WDR49: variants seen among roughly 807,000 people sequenced by gnomAD.
The protein encoded by WDR49 is cilia- and flagella-associated protein 337.
WDR49 carries 107 observed loss-of-function variants against 119.5 expected under a neutral mutation model. The observed-to-expected ratio is 0.90, with a 90% CI of 0.77 to 1.05. The LOEUF is 1.05. Ranked by LOEUF, WDR49 falls within the 50% of genes least tolerant of loss-of-function variation. The pLI is 0.00. For synonymous variants in WDR49, 425 were observed against 418.8 expected, an observed-to-expected ratio of 1.01 and a Z score of -0.18; for missense variants, 1,240 against 1,220.5, an observed-to-expected ratio of 1.02 and a Z score of -0.24.
chr3:167,593,568 G>A (rs979933699), intron 7 of WDR49, among the ~76,000 whole-genome samples: 2 of 152,016 alleles, frequency 1.3e-5, no homozygotes, highest in African/African-American at 2.4e-5. Context: ...TTCTCCATCT[G>A]AATGGTCACA....
At chr3:167,481,035 T>C (rs1750700131) in intron 18 of WDR49, among the ~76,000 whole-genome samples, 1 of 149,380 alleles carries the variant, frequency 6.7e-6, no homozygotes, top group Non-Finnish European at 1.5e-5. Context: ...CATCCCAGCC[T>C]CTTACTCAAG....
chr3:167,631,272 A>T (rs1717359248), intron 2 of WDR49, among the ~76,000 whole-genome samples: 1 of 152,114 alleles, frequency 6.6e-6, no homozygotes, highest in Non-Finnish European at 1.5e-5. Context: ...GTAATGAATA[A>T]AAAAAGAAAA....
intron 14 of WDR49, 109 bp from the exon 15 acceptor site, chr3:167,528,126 A>C (rs1752702944): frequency 2.4e-6 from 2 of 829,650 alleles, no homozygotes; most frequent in Non-Finnish European, 3.6e-6. Flanking sequence ...ACAATAACCT[A>C]TGATCCAAAT....
At position 167,528,528 on chromosome 3, in the gene WDR49, T is replaced by TAAATAAAATAAAATA. The variant is rs10675052; in HGVS notation, c.2406+509_2407-512dup. On this transcript the variant is annotated intron_variant, in intron 14 of 18. Coordinates refer to ENST00000682715, the MANE Select transcript of WDR49 (RefSeq NM_001366157.1). The stretch of plus-strand genomic sequence containing the variant: ...GACCCTGTCTCTACAAAAAGTAAAA[T>TAAATAAAATAAAATA]AAATAAAATAAAATAAAATAAAATA... Among the ~76,000 whole-genome samples, 1,441 of 148,016 alleles carry TAAATAAAATAAAATA rather than the reference T, an allele frequency of 9.7e-3. 21 individuals are homozygous for TAAATAAAATAAAATA. Among genetic ancestry groups the TAAATAAAATAAAATA allele is most frequent in the African/African-American group, 0.034 (1,352 of 39,438 alleles).
chr3:167,512,109 G>C (rs1751999546), intron 16 of WDR49, among the ~76,000 whole-genome samples: 1 of 152,156 alleles, frequency 6.6e-6, no homozygotes, highest in South Asian at 2.1e-4. Context: ...GGGACAGATA[G>C]AGTGCTTCGT....
chr3:167,653,395 T>G lies in WDR49; in HGVS notation c.31A>C (p.Asn11His). Residue 11 changes from asparagine (N) to histidine (H), a missense_variant, in exon 2 of 19, where the codon AAC becomes CAC. Asn to His is a moderately conservative substitution (Grantham distance 68). Transcript: ENST00000682715. MSCQKAVLEL[N>H]IGSQLGPKSP... ...TTTGGCCCAAGCTGTGACCCTATGT[T>G]TAACTCAAGTACAGCTTTCTGGCAA... The G allele has an allele frequency of 6.5e-7, 1 of 1,532,768 alleles. No homozygotes were observed. Among genetic ancestry groups the G allele is most frequent in the South Asian group, 1.2e-5 (1 of 83,512 alleles). 94.9% of individuals were successfully genotyped at this position (1,532,768 alleles called of 1,614,324 possible).
chr3:167,606,507 A>AT (rs1488925758), intron 5 of WDR49, among the ~76,000 whole-genome samples: 2 of 152,184 alleles, frequency 1.3e-5, no homozygotes, highest in Non-Finnish European at 2.9e-5. Context: ...TTCTGTTTTA[A>AT]GCTTCTACTT....
intron 16 of WDR49, among the ~76,000 whole-genome samples, chr3:167,509,936 T>G (rs1351139717): frequency 7.5e-6 from 1 of 132,690 alleles, no homozygotes; most frequent in Non-Finnish European, 1.7e-5. Flanking sequence ...GTCTACTAAG[T>G]CACAGTTATT....
chr3:167,507,324 T>G (rs1402951777), intron 16 of WDR49, among the ~76,000 whole-genome samples: 2 of 152,250 alleles, frequency 1.3e-5, no homozygotes, highest in African/African-American at 4.8e-5. Flanking sequence ...CCATAAGCCA[T>G]CTCATGTGAG....
intron 8 of WDR49, among the ~76,000 whole-genome samples, chr3:167,573,151 A>C (rs1560292387): frequency 6.6e-6 from 1 of 152,152 alleles, no homozygotes; most frequent in Non-Finnish European, 1.5e-5. Flanking sequence ...GGACACTTCC[A>C]AGATTTCAGT....
At chr3:167,568,667 C>T (rs568156466) in intron 8 of WDR49, among the ~76,000 whole-genome samples, 2 of 152,246 alleles carry the variant, frequency 1.3e-5, no homozygotes, top group Non-Finnish European at 2.9e-5. Context: ...GTTTTCTCTG[C>T]TTCTTGGTAG....
At chr3:167,550,335 G>A (rs62278305) in intron 10 of WDR49, among the ~76,000 whole-genome samples, 5 of 151,948 alleles carry the variant, frequency 3.3e-5, no homozygotes, top group African/African-American at 1.2e-4. Context: ...AGCATGGAAT[G>A]TTCTTCCATT....
At chr3:167,517,136 T>G (rs1259950916) in intron 16 of WDR49, among the ~76,000 whole-genome samples, 1 of 151,568 alleles carries the variant, frequency 6.6e-6, no homozygotes, top group East Asian at 1.9e-4. Flanking sequence ...AAACTAGTAC[T>G]CTTGACATTC....
At chr3:167,489,159 G>C (rs2108196709) in intron 18 of WDR49, among the ~76,000 whole-genome samples, 1 of 152,052 alleles carries the variant, frequency 6.6e-6, no homozygotes, top group Middle Eastern at 3.4e-3. Flanking sequence ...AGCAGCAGTA[G>C]ACTTTGTTTG....
intron 10 of WDR49, among the ~76,000 whole-genome samples, chr3:167,548,680 ATTTAT>A (rs776547190): frequency 9.9e-5 from 15 of 151,838 alleles, no homozygotes; most frequent in South Asian, 2.1e-4. Context: ...TTGCAATGAT[ATTTAT>A]TTTATTTTAT....
At chr3:167,589,752 C>A (rs897171570) in intron 7 of WDR49, among the ~76,000 whole-genome samples, 6 of 151,986 alleles carry the variant, frequency 3.9e-5, no homozygotes, top group Non-Finnish European at 5.9e-5. Flanking sequence ...TATAGAAATG[C>A]AACTGATTAT....
chr3:167,481,163 T>A (rs1397954497), intron 18 of WDR49, among the ~76,000 whole-genome samples: 1 of 149,920 alleles, frequency 6.7e-6, no homozygotes, highest in Non-Finnish European at 1.5e-5. Context: ...AAGCAAAAAC[T>A]AAAACCAATC....
intron 18 of WDR49, among the ~76,000 whole-genome samples, chr3:167,480,239 ACT>A (rs1750654927): frequency 7.7e-6 from 1 of 129,590 alleles, no homozygotes; most frequent in Non-Finnish European, 1.6e-5. Context: ...ACAGAGAGAG[ACT>A]CTGTCTAAAA....
chr3:167,625,451 C>G (rs906670979), intron 3 of WDR49, among the ~76,000 whole-genome samples: 1 of 151,990 alleles, frequency 6.6e-6, no homozygotes, highest in East Asian at 1.9e-4. Flanking sequence ...AAAACCAGCT[C>G]ATTATTTTGA....
Sources: gnomAD v4.1 joint callset for allele counts (sites outside exome capture counted in the v4.1 genomes callset) on GRCh38, gnomAD v4.1.1 for gene constraint, MANE v1.5 for transcripts, NCBI Gene and HGNC (gene_info 2026-07-23, HGNC 2026-07-21) for gene names.